The following GUCY2C variants were observed in gnomAD, a reference collection of about 807,000 sequenced individuals.
GUCY2C encodes the protein guanylyl cyclase C.
In GUCY2C, 118 loss-of-function variants were observed where a neutral mutation model predicts 131.1. The ratio of observed to expected loss-of-function variants is 0.90; its 90% CI spans 0.78 to 1.05. The LOEUF is 1.05. Among genes scored for constraint, GUCY2C ranks in the 50% least tolerant of loss-of-function variants. The probability of loss-of-function intolerance (pLI) is 0.00; values close to 1 mark genes in which losing one functional copy is unlikely to be tolerated. For missense variants in GUCY2C, 1,161 were observed against 1,304.4 expected (o/e 0.89, Z 1.69); for synonymous variants, 452 against 457.8 (o/e 0.99, Z 0.16).
At chr12:14,641,904 T>G (rs2137020985) in intron 17 of GUCY2C, among the ~76,000 whole-genome samples, 1 of 151,544 alleles carries the variant, frequency 6.6e-6, no homozygotes, top group South Asian at 2.1e-4. Context: ...ACCACTGCAC[T>G]CCAGCCTGGG....
chr12:14,687,345 C>T (rs947788669), intron 2 of GUCY2C, among the ~76,000 whole-genome samples: 5 of 152,236 alleles, frequency 3.3e-5, no homozygotes, highest in East Asian at 1.9e-4. Context: ...ACTGGCTGGG[C>T]GCAGTGGCTC....
At chr12:14,671,126 A>C (rs1948098974) in intron 9 of GUCY2C, among the ~76,000 whole-genome samples, 1 of 151,760 alleles carries the variant, frequency 6.6e-6, no homozygotes, top group Non-Finnish European at 1.5e-5. Context: ...TTCGGTGGGG[A>C]CACAGCCAAA....
At chr12:14,679,791 C>CA in intron 5 of GUCY2C, 38 bp from the exon 6 acceptor site, 1 of 1,035,684 alleles carries the variant, frequency 9.7e-7, no homozygotes. Context: ...AAATATATGA[C>CA]AGTCTACAGA....
chr12:14,614,964 C>T lies in GUCY2C; in HGVS notation c.2971-21G>A, dbSNP rs11830063. The stretch of plus-strand genomic sequence containing the variant: ...CTTCCCTGGTAAGACAAAAGAGTTA[C>T]GTACCACGGAGTCCAAGGAGTCAGT... On this transcript the variant is annotated intron_variant, in intron 25 of 26. Transcript: ENST00000261170. 8.5e-3 allele frequency: 12,128 copies of T among 1,422,178 alleles called. 789 individuals carry two copies. In the African/African-American group the frequency reaches 0.15, roughly 18 times the overall value. The allele number at this position is 1,422,178 out of a possible 1,614,324, so 88.1% of individuals were successfully genotyped here.
At chr12:14,691,405 A>G (rs1182650538) in intron 1 of GUCY2C, among the ~76,000 whole-genome samples, 2 of 152,152 alleles carry the variant, frequency 1.3e-5, no homozygotes, top group Admixed American at 6.5e-5. Flanking sequence ...TTTCATGACA[A>G]TAGAAAGGAT....
At chr12:14,634,629 G>A (rs1266415558) in intron 19 of GUCY2C, among the ~76,000 whole-genome samples, 3 of 152,166 alleles carry the variant, frequency 2.0e-5, no homozygotes, top group African/African-American at 4.8e-5. Context: ...AACTTTGAAT[G>A]TAAATGGATC....
rs1947394406 is a variant in GUCY2C at position 14,641,141 on chromosome 12, G to A, written c.2009C>T (p.Ala670Val). ...TTCTTTCCGCAGGATGATCTCCTGT[G>A]CGATGATCCCATAGCTGTACACATC... Reference protein sequence around the residue: ...KGDVYSYGIIAQEIILRKETF... With the variant: ...KGDVYSYGIIVQEIILRKETF... Residue 670 changes from alanine to valine, a missense_variant, in exon 18 of 27, where the codon GCA becomes GTA. Transcript: ENST00000261170. 6.2e-7 allele frequency: 1 copy of A among 1,613,678 alleles called. No individual in the cohort carries two copies. Among genetic ancestry groups the A allele is most frequent in the Non-Finnish European group, 8.5e-7 (1 of 1,179,752 alleles).
rs886316984 is a variant in GUCY2C at position 14,612,984 on chromosome 12, C to T, written c.*133G>A. ...CATGCAAGAAAGTCCATGTTCCAGACAGGGCAGCCAAGCCTAAGTACATTT... is the reference window on the plus strand; with the variant it reads ...CATGCAAGAAAGTCCATGTTCCAGATAGGGCAGCCAAGCCTAAGTACATTT... On this transcript the variant is annotated 3_prime_UTR_variant, in exon 27 of 27. Coordinates refer to ENST00000261170, the MANE Select transcript of GUCY2C (RefSeq NM_004963.4). The T allele has an allele frequency of 3.0e-5, 21 of 699,686 alleles. No homozygotes were observed. Among genetic ancestry groups the T allele is most frequent in the African/African-American group, 2.7e-4 (15 of 56,020 alleles). 43.3% of individuals were successfully genotyped at this position (699,686 alleles called of 1,614,324 possible). A position where few individuals can be genotyped will look rare whatever the true frequency, so the allele number is the denominator to read the frequency against.
intron 22 of GUCY2C, among the ~76,000 whole-genome samples, 154 bp downstream of exon 22, chr12:14,621,851 T>G (rs1372252267): frequency 6.6e-6 from 1 of 152,240 alleles, no homozygotes; most frequent in Non-Finnish European, 1.5e-5. Context: ...CTCTAATCCT[T>G]CTACTTCTCT....
chr12:14,661,804 G>A (rs1238507260), intron 10 of GUCY2C, among the ~76,000 whole-genome samples: 1 of 152,208 alleles, frequency 6.6e-6, no homozygotes, highest in Non-Finnish European at 1.5e-5. Context: ...TTAAGTGACA[G>A]TGTTGCATGC....
chr12:14,653,089 G>A, intron 12 of GUCY2C, 75 bp from the exon 13 acceptor site: 1 of 1,067,444 alleles, frequency 9.4e-7, no homozygotes. Flanking sequence ...AGGCTGAGAG[G>A]CTCTTCCAGG....
chr12:14,660,011 C>A (rs964945385), intron 11 of GUCY2C, among the ~76,000 whole-genome samples: 9 of 152,228 alleles, frequency 5.9e-5, no homozygotes, highest in African/African-American at 1.9e-4. Flanking sequence ...GGTCACCACA[C>A]ATTGTAGACC....
At chr12:14,679,145 T>G (rs1948295274) in intron 6 of GUCY2C, among the ~76,000 whole-genome samples, 1 of 152,206 alleles carries the variant, frequency 6.6e-6, no homozygotes, top group Non-Finnish European at 1.5e-5. Context: ...AGGAACAGTA[T>G]TATTGAGTCT....
chr12:14,694,707 G>T lies in GUCY2C; in HGVS notation c.217+1525C>A, dbSNP rs1010730512. Among the ~76,000 whole-genome samples the T allele has an allele frequency of 1.4e-4, 22 of 152,320 alleles. 1 individual carries two copies. The highest frequency in any genetic ancestry group is 9.8e-4 in the Admixed American group (15 of 15,298). ...CTAGTTTCAGAATTGGAGAGATGTTGTGTGTGCACAGAAGTAACTTATTAT... is the reference window on the plus strand; with the variant it reads ...CTAGTTTCAGAATTGGAGAGATGTTTTGTGTGCACAGAAGTAACTTATTAT... On this transcript the variant is annotated intron_variant, in intron 1 of 26. Coordinates refer to ENST00000261170, the MANE Select transcript of GUCY2C (RefSeq NM_004963.4).
At chr12:14,627,575 C>T (rs1451001334) in intron 20 of GUCY2C, among the ~76,000 whole-genome samples, 1 of 152,118 alleles carries the variant, frequency 6.6e-6, no homozygotes, top group Admixed American at 6.5e-5. Flanking sequence ...GTATGTACCC[C>T]AGACCAATTA....
intron 14 of GUCY2C, 38 bp downstream of exon 14, chr12:14,651,921 A>C: frequency 9.0e-7 from 1 of 1,113,564 alleles, no homozygotes; most frequent in South Asian, 1.3e-5. Context: ...AAATGAAGTG[A>C]AGTTATTTCT....
At position 14,656,696 on chromosome 12, in the gene GUCY2C, A is replaced by G. The variant is rs1350081807; in HGVS notation, c.1365-79T>C. The G allele has an allele frequency of 4.1e-6, 3 of 732,466 alleles. No individual in the cohort carries two copies. In the African/African-American group the frequency reaches 5.2e-5, roughly 13 times the overall value. The allele number at this position is 732,466 out of a possible 1,614,324, so 45.4% of individuals were successfully genotyped here. ...AGCTTCTGAAGACTGGGTGAAGTTTAGAACCCTGGTATGCTCAGGTAGATA... is the reference window on the plus strand; with the variant it reads ...AGCTTCTGAAGACTGGGTGAAGTTTGGAACCCTGGTATGCTCAGGTAGATA... On this transcript the variant is annotated intron_variant, in intron 11 of 26. Coordinates refer to ENST00000261170, the MANE Select transcript of GUCY2C (RefSeq NM_004963.4).
chr12:14,629,527 A>G (rs1010716582), intron 19 of GUCY2C, among the ~76,000 whole-genome samples: 4 of 152,214 alleles, frequency 2.6e-5, no homozygotes, highest in African/African-American at 9.6e-5. Flanking sequence ...AAGGTATATA[A>G]GCTCTGAAAA....
Position 14,645,324 on chromosome 12 carries a change from GA to G in GUCY2C, c.1711-10del, listed in dbSNP as rs776701493. ...GTGTCATTTAAAACTTCCTGAATAG[GA>G]AAAAAGAAGAAGAAGAAAAGTTGTT... On this transcript the variant is annotated splice_polypyrimidine_tract_variant and intron_variant, in intron 15 of 26. Transcript: ENST00000261170. 6.7e-5 allele frequency: 92 copies of G among 1,377,584 alleles called. No homozygotes were observed. The African/African-American group carries it at 1.1e-3, about 17-fold the overall frequency. 85.3% of individuals were successfully genotyped at this position (1,377,584 alleles called of 1,614,324 possible). A position where few individuals can be genotyped will look rare whatever the true frequency, so the allele number is the denominator to read the frequency against.
Sources: gnomAD v4.1 joint callset for allele counts (sites outside exome capture counted in the v4.1 genomes callset) on GRCh38, gnomAD v4.1.1 for gene constraint, MANE v1.5 for transcripts, NCBI Gene and HGNC (gene_info 2026-07-23, HGNC 2026-07-21) for gene names.